The following FRYL variants were observed in gnomAD, a reference collection of about 807,000 sequenced individuals.
FRYL encodes the protein FRY like transcription coactivator.
Under a neutral mutation model 351.2 loss-of-function variants are expected in FRYL, and 150 were observed. That is an observed-to-expected ratio of 0.43 (90% confidence interval 0.37 to 0.49). The LOEUF (loss-of-function observed/expected upper bound fraction) is 0.49. Ranked by LOEUF, FRYL falls within the 20% of genes least tolerant of loss-of-function variation. FRYL has a pLI of 0.00. For synonymous variants in FRYL, 1,153 were observed against 1,257.1 expected, an observed-to-expected ratio of 0.92 and a Z score of 1.75; for missense variants, 3,036 against 3,619.3, an observed-to-expected ratio of 0.84 and a Z score of 4.13.
chr4:48,527,290 T>C lies in FRYL; in HGVS notation c.7317+187A>G, dbSNP rs556099828. 9.9e-5 allele frequency among the ~76,000 whole-genome samples: 15 copies of C among 152,280 alleles called. No individual in the cohort carries two copies. In the East Asian group the frequency reaches 1.9e-3, roughly 20 times the overall value. ...TATTTTTAAAGATAAAGATGAAAAA[T>C]GGAATGTTTCTCTTTTATCTCAGAC... On this transcript the variant is annotated intron_variant, in intron 53 of 63. Transcript: ENST00000358350.
chr4:48,534,621 C>G lies in FRYL; in HGVS notation c.6629G>C (p.Ser2210Thr), dbSNP rs1221484724. The G allele has an allele frequency of 1.9e-6, 3 of 1,598,970 alleles. No individual in the cohort carries two copies. Among genetic ancestry groups the G allele is most frequent in the Non-Finnish European group, 2.6e-6 (3 of 1,166,632 alleles). The change falls in exon 49 of 64, where the codon AGT becomes ACT. Residue 2210 changes from serine to threonine, a missense_variant. Ser to Thr is a moderately conservative substitution (Grantham distance 58). Around this residue, in one of 7 missense-constraint regions of FRYL, gnomAD observed 1,987 missense variants for 2,311.7 expected, o/e 0.86. Coordinates refer to ENST00000358350, the MANE Select transcript of FRYL (RefSeq NM_015030.2). ...TGGGGCTGCAGACAGGTCAATATGA[C>G]TCAATAGACTATAAATAATCTGTAG... The part of the protein sequence containing the change: ...SLLQIIYSLL[S>T]HIDLSAAPAK...
chr4:48,575,059 C>T (rs1333172043), intron 25 of FRYL, 58 bp downstream of exon 25: 20 of 1,581,156 alleles, frequency 1.3e-5, no homozygotes, highest in Non-Finnish European at 1.7e-5. Flanking sequence ...CCTACCACAC[C>T]TTCTAAGTAG....
chr4:48,604,393 G>A (rs923996428), intron 11 of FRYL, among the ~76,000 whole-genome samples: 1 of 152,194 alleles, frequency 6.6e-6, no homozygotes, highest in Admixed American at 6.5e-5. Flanking sequence ...GACATCAGAA[G>A]GTGACTTCAT....
rs947128739 is a variant in FRYL, at chr4:48,567,817, T to C, written c.2997-397A>G. Among the ~76,000 whole-genome samples, 6 of 152,240 alleles carry C rather than the reference T, an allele frequency of 3.9e-5. No individual in the cohort carries two copies. The highest frequency in any genetic ancestry group is 1.2e-4 in the African/African-American group (5 of 41,470). ...TTCATAGCTGCCATGTCTATTCATA[T>C]TGTGCCTTCAGCATAATTAAATATC... On this transcript the variant is annotated intron_variant, in intron 27 of 63. Transcript: ENST00000358350. The surrounding 1 kb of genome is among the most constrained non-coding windows in gnomAD (Gnocchi z 4.2).
intron 1 of FRYL, among the ~76,000 whole-genome samples, chr4:48,770,018 A>G (rs1274431081): frequency 2.0e-5 from 3 of 152,356 alleles, no homozygotes; most frequent in East Asian, 3.9e-4. Flanking sequence ...ATCTACCTGT[A>G]CATACACATA....
At chr4:48,683,120 G>A (rs576013470) in intron 3 of FRYL, among the ~76,000 whole-genome samples, 3 of 152,148 alleles carry the variant, frequency 2.0e-5, no homozygotes, top group African/African-American at 4.8e-5. Flanking sequence ...TCCTTTGCAC[G>A]GACATGGATG....
rs753824635 is a variant in FRYL, at chr4:48,619,258, A to C, written c.411+16T>G. ...AGAATAAGGAATACAGACTTTGCAG[A>C]AATAAAAGAGCTTACCTGCTTTAGA... is the stretch of plus-strand genomic sequence containing the variant. On this transcript the variant is annotated intron_variant, in intron 7 of 63. Transcript: ENST00000358350. 2 of 1,533,010 alleles carry C rather than the reference A, an allele frequency of 1.3e-6. No individual in the cohort carries two copies. Among genetic ancestry groups the C allele is most frequent in the South Asian group, 2.3e-5 (2 of 88,506 alleles). 95.0% of individuals were successfully genotyped at this position (1,533,010 alleles called of 1,614,324 possible).
At chr4:48,531,099 A>T in intron 50 of FRYL, 57 bp downstream of exon 50, 1 of 1,111,414 alleles carries the variant, frequency 9.0e-7, no homozygotes, top group Non-Finnish European at 1.3e-6. Flanking sequence ...AAGAATGAAT[A>T]AATAAACAAA....
intron 19 of FRYL, among the ~76,000 whole-genome samples, chr4:48,586,303 T>C (rs952649365): frequency 4.6e-5 from 7 of 152,084 alleles, no homozygotes; most frequent in African/African-American, 1.7e-4. Context: ...GGAATTATCA[T>C]ACACTGATAA....
At chr4:48,598,946 C>G in intron 13 of FRYL, 1 of 535,548 alleles carries the variant, frequency 1.9e-6, no homozygotes, top group Non-Finnish European at 2.4e-6. Flanking sequence ...AAAATAAGCA[C>G]AAAACAAGAC....
At chr4:48,530,607 C>T (rs1727341410) in intron 50 of FRYL, among the ~76,000 whole-genome samples, 1 of 152,158 alleles carries the variant, frequency 6.6e-6, no homozygotes, top group Non-Finnish European at 1.5e-5. Flanking sequence ...CATGTCTCAT[C>T]ACACTCTACT....
chr4:48,676,786 A>AAATGCAC (rs2149525701), intron 3 of FRYL, among the ~76,000 whole-genome samples: 1 of 152,344 alleles, frequency 6.6e-6, no homozygotes, highest in African/African-American at 2.4e-5. Context: ...TGTGAAATTC[A>AAATGCAC]AATGCACATT....
intron 3 of FRYL, among the ~76,000 whole-genome samples, chr4:48,654,338 G>A (rs1409843186): frequency 4.6e-5 from 7 of 150,876 alleles, no homozygotes; most frequent in Non-Finnish European, 8.8e-5. Flanking sequence ...AAAAAAAACT[G>A]GAGGTATTTG....
intron 3 of FRYL, among the ~76,000 whole-genome samples, chr4:48,672,281 T>C (rs993146574): frequency 6.6e-6 from 1 of 152,164 alleles, no homozygotes; most frequent in Non-Finnish European, 1.5e-5. Flanking sequence ...GGAAGTGCCA[T>C]CTCCTTCCTT....
At chr4:48,702,772 AAAAAG>A (rs1311888013) in intron 2 of FRYL, among the ~76,000 whole-genome samples, 60 of 131,604 alleles carry the variant, frequency 4.6e-4, no homozygotes, top group African/African-American at 1.6e-3. Context: ...AAAAAAAAAA[AAAAAG>A]AAAAAGAAAG....
intron 1 of FRYL, among the ~76,000 whole-genome samples, chr4:48,764,165 A>T (rs1774706051): frequency 6.6e-6 from 1 of 152,074 alleles, no homozygotes; most frequent in Admixed American, 6.6e-5. Context: ...GCAAGACTCT[A>T]TCTCAAAAAT....
intron 1 of FRYL, among the ~76,000 whole-genome samples, chr4:48,750,109 G>A (rs2149663636): frequency 6.7e-6 from 1 of 149,248 alleles, no homozygotes; most frequent in East Asian, 2.0e-4. Context: ...ACTCCAGCCT[G>A]GTTGATAGAA....
In FRYL at chr4:48,497,989, A is replaced by AAAAG. The variant is rs1195719685; in HGVS notation, c.*1429_*1432dup. 2 of 152,584 alleles carry AAAAG rather than the reference A, an allele frequency of 1.3e-5. No homozygotes were observed. The highest frequency in any genetic ancestry group is 2.9e-5 in the Non-Finnish European group (2 of 68,014). 9.5% of individuals were successfully genotyped at this position (152,584 alleles called of 1,614,324 possible). ...ACTCTGGAATCACAGAGCCCAGTTTAAAAGAAAAGTCACAGTGGATAAGAG... is the reference window on the plus strand; with the variant it reads ...ACTCTGGAATCACAGAGCCCAGTTTAAAAGAAAGAAAAGTCACAGTGGATAAGAG... On this transcript the variant is annotated 3_prime_UTR_variant, in exon 64 of 64. Transcript: ENST00000358350.
At chr4:48,520,998 T>C (rs1191465825) in intron 55 of FRYL, 50 bp downstream of exon 55, 6 of 1,410,860 alleles carry the variant, frequency 4.3e-6, no homozygotes, top group South Asian at 3.1e-5. Context: ...TATAAAAGAG[T>C]GCTAAAAAGA....
Sources: allele counts gnomAD v4.1 joint callset (sites outside exome capture counted in the v4.1 genomes callset), GRCh38; gene constraint gnomAD v4.1.1; regional missense constraint gnomAD v4.1.1; non-coding constraint Gnocchi (gnomAD v3.1); transcripts MANE v1.5; gene names NCBI Gene and HGNC (gene_info 2026-07-23, HGNC 2026-07-21).